Variants in PITPNC1 observed in about 807,000 individuals in gnomAD.
The protein encoded by PITPNC1 is cytoplasmic phosphatidylinositol transfer protein 1.
In PITPNC1, 18 loss-of-function variants were observed where a neutral mutation model predicts 44.7. The observed-to-expected ratio is 0.40, with a 90% CI of 0.28 to 0.60. PITPNC1 has a LOEUF of 0.60. Among genes scored for constraint, PITPNC1 ranks in the 20% least tolerant of loss-of-function variants. The pLI is 0.39. For synonymous variants in PITPNC1, 141 were observed against 149.6 expected (o/e 0.94, Z 0.42); for missense variants, 290 against 418.4 (o/e 0.69, Z 2.68).
At chr17:67,626,931 C>T (rs1044423474) in intron 5 of PITPNC1, among the ~76,000 whole-genome samples, 1 of 152,022 alleles carries the variant, frequency 6.6e-6, no homozygotes, top group African/African-American at 2.4e-5. Flanking sequence ...ACTTATTGAG[C>T]ACCTATGAAC....
chr17:67,420,523 C>T lies in PITPNC1; in HGVS notation c.48+42321C>T, dbSNP rs1453534166. On this transcript the variant is annotated intron_variant, in intron 1 of 8. Transcript: ENST00000581322. ...TCTCGGCTCACTGCAACCTCCACCT[C>T]CTTGGGTCAAGCGAGCCTCTCACTC... 2.6e-5 allele frequency among the ~76,000 whole-genome samples: 4 copies of T among 152,014 alleles called. No individual in the cohort carries two copies. In the South Asian group the frequency reaches 8.3e-4, roughly 32 times the overall value.
intron 1 of PITPNC1, among the ~76,000 whole-genome samples, chr17:67,464,528 G>A (rs184751633): frequency 6.6e-6 from 1 of 152,186 alleles, no homozygotes; most frequent in East Asian, 1.9e-4. Context: ...AGTCACAAAA[G>A]GAAGAATGGT....
chr17:67,690,058 T>G (rs2042892024), intron 8 of PITPNC1, among the ~76,000 whole-genome samples: 1 of 152,218 alleles, frequency 6.6e-6, no homozygotes, highest in Non-Finnish European at 1.5e-5. Flanking sequence ...TTGTAAAAAC[T>G]TTCCCTTTCA....
Position 67,537,950 on chromosome 17 carries a change from C to T in PITPNC1, c.197+5000C>T, listed in dbSNP as rs549063540. On this transcript the variant is annotated intron_variant, in intron 2 of 8. Coordinates refer to ENST00000581322, the MANE Select transcript of PITPNC1 (RefSeq NM_012417.4). The stretch of plus-strand genomic sequence containing the variant: ...TCGCGCCAGTGCACTCCAGCCTGGG[C>T]GACTGAGCGAGACTCCATCTCAAAA... Among the ~76,000 whole-genome samples the T allele has an allele frequency of 7.4e-5, 11 of 148,930 alleles. No homozygotes were observed. In the East Asian group the frequency reaches 1.8e-3, roughly 24 times the overall value.
intron 1 of PITPNC1, among the ~76,000 whole-genome samples, chr17:67,388,267 G>A (rs1366309626): frequency 6.6e-6 from 1 of 151,538 alleles, no homozygotes; most frequent in African/African-American, 2.4e-5. Context: ...ATTGCCGTCA[G>A]ACTGCTTTCC....
intron 1 of PITPNC1, among the ~76,000 whole-genome samples, chr17:67,410,719 T>C (rs1225749795): frequency 6.6e-6 from 1 of 151,756 alleles, no homozygotes; most frequent in Admixed American, 6.6e-5. Flanking sequence ...AGTAGGTGAG[T>C]CTGCGTGTTA....
chr17:67,425,203 G>GCGCGCA lies in PITPNC1; in HGVS notation c.48+47002_48+47003insGCGCAC, dbSNP rs1370190915. On this transcript the variant is annotated intron_variant, in intron 1 of 8. Coordinates refer to ENST00000581322, the MANE Select transcript of PITPNC1 (RefSeq NM_012417.4). ...CCATGTTGTGCGCGCGCACGCACAC[G>GCGCGCA]CACACACACACACACACACACACAC... 6.2e-4 allele frequency among the ~76,000 whole-genome samples: 61 copies of GCGCGCA among 98,812 alleles called. 2 individuals carry two copies. The highest frequency in any genetic ancestry group is 2.8e-3 in the South Asian group (7 of 2,508). The allele number at this position is 98,812 out of a possible 152,430, so 64.8% of individuals were successfully genotyped here. A position where few individuals can be genotyped will look rare whatever the true frequency, so the allele number is the denominator to read the frequency against.
chr17:67,404,538 C>T (rs928413329), intron 1 of PITPNC1, among the ~76,000 whole-genome samples: 1 of 152,136 alleles, frequency 6.6e-6, no homozygotes. Flanking sequence ...TACATGACTT[C>T]AAGTGAAAAA....
intron 1 of PITPNC1, chr17:67,459,533 G>C (rs2039306637): frequency 6.6e-6 from 1 of 152,202 alleles, no homozygotes; most frequent in Non-Finnish European, 1.5e-5. Context: ...CCCAGAATTA[G>C]CTCACACACT....
intron 1 of PITPNC1, among the ~76,000 whole-genome samples, chr17:67,464,370 TG>T (rs1173974875): frequency 6.6e-6 from 1 of 152,214 alleles, no homozygotes; most frequent in African/African-American, 2.4e-5. Context: ...TTTAGGCTGA[TG>T]GCTTTCTCAG....
At chr17:67,614,990 C>T (rs1211938987) in intron 5 of PITPNC1, among the ~76,000 whole-genome samples, 1 of 151,940 alleles carries the variant, frequency 6.6e-6, no homozygotes, top group African/African-American at 2.4e-5. Flanking sequence ...CACCCAGGGG[C>T]CTCATACCTA....
chr17:67,405,477 T>C (rs1484494597), intron 1 of PITPNC1, among the ~76,000 whole-genome samples: 2 of 152,094 alleles, frequency 1.3e-5, no homozygotes, highest in Middle Eastern at 3.4e-3. Context: ...AAGAAAAATA[T>C]ATTGCTGTTC....
At chr17:67,645,242 G>A (rs1297317442) in intron 6 of PITPNC1, among the ~76,000 whole-genome samples, 8 of 151,672 alleles carry the variant, frequency 5.3e-5, no homozygotes, top group Admixed American at 5.3e-4. Flanking sequence ...TCGGGAGCCT[G>A]AGGCAGGAGA....
intron 1 of PITPNC1, among the ~76,000 whole-genome samples, chr17:67,512,107 G>C (rs2040191379): frequency 6.6e-6 from 1 of 152,176 alleles, no homozygotes; most frequent in Non-Finnish European, 1.5e-5. Context: ...GTGATGTCCA[G>C]CTCAGAACTT....
chr17:67,386,003 C>T (rs1005061213), intron 1 of PITPNC1, among the ~76,000 whole-genome samples: 2 of 152,130 alleles, frequency 1.3e-5, no homozygotes, highest in African/African-American at 4.8e-5. Context: ...TAGTAATTAA[C>T]TTTTGCTTTT....
At chr17:67,426,623 G>C (rs2038770126) in intron 1 of PITPNC1, among the ~76,000 whole-genome samples, 1 of 152,010 alleles carries the variant, frequency 6.6e-6, no homozygotes, top group South Asian at 2.1e-4. Flanking sequence ...TGGGGGGCGA[G>C]GGGAGGGATT....
At chr17:67,379,824 A>G (rs1352012355) in intron 1 of PITPNC1, among the ~76,000 whole-genome samples, 1 of 152,116 alleles carries the variant, frequency 6.6e-6, no homozygotes, top group Non-Finnish European at 1.5e-5. Flanking sequence ...CAATGTTGGG[A>G]CTGCATGAAA....
rs546498786 is a variant in PITPNC1, at chr17:67,687,932, C to G, written c.683-4640C>G. 4.0e-5 allele frequency among the ~76,000 whole-genome samples: 6 copies of G among 151,702 alleles called. No individual in the cohort carries two copies. In the East Asian group the frequency reaches 1.2e-3, roughly 29 times the overall value. ...AGATAACAAAGAAAAGTGTAATCAC[C>G]AAATCATTTCTTTGCATCTTCAGCC... On this transcript the variant is annotated intron_variant, in intron 8 of 8. Transcript: ENST00000581322.
chr17:67,493,590 A>G (rs1173808130), intron 1 of PITPNC1, among the ~76,000 whole-genome samples: 1 of 152,248 alleles, frequency 6.6e-6, no homozygotes, highest in Non-Finnish European at 1.5e-5. Flanking sequence ...CAGGGTCCCC[A>G]GCTGTCTAAA....
Sources: allele counts gnomAD v4.1 joint callset (sites outside exome capture counted in the v4.1 genomes callset), GRCh38; gene constraint gnomAD v4.1.1; transcripts MANE v1.5; gene names NCBI Gene and HGNC (gene_info 2026-07-23, HGNC 2026-07-21).